Variants in KANK1 observed in about 807,000 individuals in gnomAD.
KANK1 encodes the protein KN motif and ankyrin repeat domains 1.
In KANK1, 109 loss-of-function variants were observed where a neutral mutation model predicts 106.2. The ratio of observed to expected loss-of-function variants is 1.03; its 90% CI spans 0.88 to 1.20. The LOEUF (loss-of-function observed/expected upper bound fraction) is 1.20, where lower values mean the gene tolerates loss of function less well. KANK1 is among the 50% of genes most tolerant of loss of function. KANK1 has a pLI of 0.00. For missense variants in KANK1, 2,399 were observed against 1,710.7 expected, an observed-to-expected ratio of 1.40 and a Z score of -7.10; for synonymous variants, 873 against 652.2, an observed-to-expected ratio of 1.34 and a Z score of -5.16.
At chr9:670,845 T>A (rs905349996) in intron 1 of KANK1, among the ~76,000 whole-genome samples, 16 of 151,874 alleles carry the variant, frequency 1.1e-4, no homozygotes, top group African/African-American at 3.9e-4. Flanking sequence ...CTTTTTCCAG[T>A]GTAGAATCTG....
chr9:472,873 C>G (rs2058044679), intron 2 of KANK1, among the ~76,000 whole-genome samples: 1 of 152,172 alleles, frequency 6.6e-6, no homozygotes, highest in African/African-American at 2.4e-5. Flanking sequence ...GGCCCCAATT[C>G]AGCCTCCTAA....
chr9:614,958 C>A (rs1245992840), intron 1 of KANK1, among the ~76,000 whole-genome samples: 2 of 151,874 alleles, frequency 1.3e-5, no homozygotes, highest in Non-Finnish European at 2.9e-5. Flanking sequence ...CATCCCCCCC[C>A]TGCCCTTTTT....
At chr9:533,674 G>T (rs2060166321) in intron 1 of KANK1, among the ~76,000 whole-genome samples, 1 of 152,210 alleles carries the variant, frequency 6.6e-6, no homozygotes, top group South Asian at 2.1e-4. Flanking sequence ...GAGAGAGGCT[G>T]TGTTTTGGAG....
At chr9:567,457 C>A (rs1237776836) in intron 1 of KANK1, among the ~76,000 whole-genome samples, 3 of 152,114 alleles carry the variant, frequency 2.0e-5, no homozygotes, top group African/African-American at 7.2e-5. Context: ...CTAAATTTTC[C>A]CCGAAGTTAG....
At chr9:519,473 T>G (rs576862574) in intron 1 of KANK1, among the ~76,000 whole-genome samples, 2 of 151,950 alleles carry the variant, frequency 1.3e-5, no homozygotes, top group East Asian at 3.9e-4. Context: ...GAGAAAAGTT[T>G]GAGAGGTCTA....
At chr9:714,849 T>C (rs1827257643) in intron 3 of KANK1, among the ~76,000 whole-genome samples, 1 of 152,156 alleles carries the variant, frequency 6.6e-6, no homozygotes, top group Admixed American at 6.5e-5. Flanking sequence ...TCTCACAGTG[T>C]ATAACATCAT....
intron 1 of KANK1, among the ~76,000 whole-genome samples, chr9:505,293 C>G (rs1326714647): frequency 6.6e-6 from 1 of 152,132 alleles, no homozygotes; most frequent in Admixed American, 6.5e-5. Context: ...GGCAGGTGGC[C>G]TCGGGTCGCC....
At chr9:630,888 G>A (rs974577556) in intron 1 of KANK1, among the ~76,000 whole-genome samples, 3 of 152,138 alleles carry the variant, frequency 2.0e-5, no homozygotes, top group African/African-American at 7.2e-5. Context: ...CCGGGATGTA[G>A]AGGTTGTAAT....
In KANK1 at chr9:612,880, C is replaced by G. The variant is rs573481053; in HGVS notation, c.-83-64010C>G. ...GAGACCCTAAGAGTCATATAAGACA[C>G]AAATCACCTTTGCCTGTGATATTTG... is the stretch of plus-strand genomic sequence containing the variant. On this transcript the variant is annotated intron_variant, in intron 1 of 11. Coordinates refer to ENST00000382297, the MANE Select transcript of KANK1 (RefSeq NM_015158.5). Among the ~76,000 whole-genome samples the G allele has an allele frequency of 4.6e-5, 7 of 152,248 alleles. No homozygotes were observed. In the South Asian group the frequency reaches 1.5e-3, roughly 32 times the overall value.
chr9:530,485 T>A (rs924484758), intron 1 of KANK1, among the ~76,000 whole-genome samples: 1 of 152,220 alleles, frequency 6.6e-6, no homozygotes, highest in African/African-American at 2.4e-5. Context: ...TCCCTCTGAC[T>A]AAATCCCCCA....
At chr9:516,571 G>A (rs936107332) in intron 1 of KANK1, among the ~76,000 whole-genome samples, 2 of 151,714 alleles carry the variant, frequency 1.3e-5, no homozygotes, top group Admixed American at 1.3e-4. Flanking sequence ...AGCGGTTTTG[G>A]CTGTAGAGTG....
chr9:585,248 ATCT>A (rs1339988738), intron 1 of KANK1, among the ~76,000 whole-genome samples: 1 of 152,200 alleles, frequency 6.6e-6, no homozygotes, highest in East Asian at 1.9e-4. Context: ...GCAACAAGTC[ATCT>A]TTGCCCGCTG....
intron 2 of KANK1, among the ~76,000 whole-genome samples, chr9:681,645 G>A (rs9408674): frequency 0.51 from 78,259 of 151,996 alleles, 20,989 homozygotes; most frequent in East Asian, 0.9. Context: ...CTGGTCATAT[G>A]TCAGGGGATA....
chr9:732,652 C>T, intron 6 of KANK1, 35 bp downstream of exon 6: 1 of 1,601,648 alleles, frequency 6.2e-7, no homozygotes, highest in Non-Finnish European at 8.5e-7. Context: ...CTTGCCCCTC[C>T]CACATTTAAT....
At chr9:686,304 A>G (rs968471344) in intron 2 of KANK1, among the ~76,000 whole-genome samples, 4 of 152,146 alleles carry the variant, frequency 2.6e-5, no homozygotes, top group Admixed American at 2.6e-4. Context: ...CGCACCACGA[A>G]TATGTTTTTT....
At chr9:677,032 G>C in intron 2 of KANK1, 23 bp downstream of exon 2, 1 of 1,608,764 alleles carries the variant, frequency 6.2e-7, no homozygotes, top group South Asian at 1.1e-5. Context: ...TCTGGAGTTT[G>C]TGTGTTAAAT....
chr9:520,098 G>C (rs984978572), intron 1 of KANK1, among the ~76,000 whole-genome samples: 2 of 151,746 alleles, frequency 1.3e-5, no homozygotes, highest in Admixed American at 1.3e-4. Flanking sequence ...AGCACTTTGG[G>C]AGGCTGAGGT....
intron 3 of KANK1, among the ~76,000 whole-genome samples, chr9:719,730 C>T (rs139225908): frequency 6.6e-6 from 1 of 152,128 alleles, no homozygotes; most frequent in African/African-American, 2.4e-5. Context: ...CCATTCAGCT[C>T]TAGTTTTGGG....
chr9:485,577 T>C (rs866612263), intron 3 of KANK1, among the ~76,000 whole-genome samples: 6 of 152,096 alleles, frequency 3.9e-5, no homozygotes, highest in African/African-American at 1.4e-4. Flanking sequence ...CAAAAACTGC[T>C]TAGTAAAGAG....
Sources: gnomAD v4.1 joint callset for allele counts (sites outside exome capture counted in the v4.1 genomes callset) on GRCh38, gnomAD v4.1.1 for gene constraint, MANE v1.5 for transcripts, NCBI Gene and HGNC (gene_info 2026-07-23, HGNC 2026-07-21) for gene names.